PTPRD: variants seen among roughly 807,000 people sequenced by gnomAD.
PTPRD encodes the protein receptor-type tyrosine-protein phosphatase delta.
PTPRD carries 34 observed loss-of-function variants against 214.5 expected under a neutral mutation model. The observed-to-expected ratio is 0.16, with a 90% CI of 0.12 to 0.21. The LOEUF (loss-of-function observed/expected upper bound fraction) is 0.21, where lower values mean the gene tolerates loss of function less well. Among genes scored for constraint, PTPRD ranks in the 10% least tolerant of loss-of-function variants. The pLI is 1.00. For synonymous variants in PTPRD, 1,128 were observed against 845.7 expected, an observed-to-expected ratio of 1.33 and a Z score of -5.79; for missense variants, 2,545 against 2,398.7, an observed-to-expected ratio of 1.06 and a Z score of -1.27.
At chr9:9,283,145 G>C (rs1203299340) in intron 9 of PTPRD, among the ~76,000 whole-genome samples, 1 of 151,294 alleles carries the variant, frequency 6.6e-6, no homozygotes, top group Admixed American at 6.6e-5. Context: ...TTTTATAATT[G>C]GACCTCTGGG....
chr9:9,542,415 G>A (rs1166238390), intron 8 of PTPRD, among the ~76,000 whole-genome samples: 2 of 151,450 alleles, frequency 1.3e-5, no homozygotes, highest in African/African-American at 4.8e-5. Context: ...GGACACAAAA[G>A]CTCTTACCTT....
At chr9:10,048,694 C>A (rs929420945) in intron 3 of PTPRD, among the ~76,000 whole-genome samples, 1 of 152,020 alleles carries the variant, frequency 6.6e-6, no homozygotes, top group African/African-American at 2.4e-5. Context: ...TTTCCTATAA[C>A]TTTTCATTCA....
intron 11 of PTPRD, among the ~76,000 whole-genome samples, chr9:8,773,677 C>T (rs1299728885): frequency 6.6e-6 from 1 of 152,158 alleles, no homozygotes; most frequent in South Asian, 2.1e-4. Context: ...AAAATAAATT[C>T]CAAGCTCTTT....
At chr9:9,459,084 A>G (rs1481377755) in intron 8 of PTPRD, among the ~76,000 whole-genome samples, 1 of 152,090 alleles carries the variant, frequency 6.6e-6, no homozygotes, top group Non-Finnish European at 1.5e-5. Context: ...AAAGGAAACC[A>G]GAAAGTCTGC....
At chr9:10,370,027 C>T (rs1439762934) in intron 2 of PTPRD, among the ~76,000 whole-genome samples, 1 of 151,940 alleles carries the variant, frequency 6.6e-6, no homozygotes, top group African/African-American at 2.4e-5. Context: ...TATTATTATC[C>T]CTTTTCTACA....
intron 5 of PTPRD, among the ~76,000 whole-genome samples, chr9:9,885,786 CAGAACTGTA>C (rs950669370): frequency 1.3e-5 from 2 of 151,722 alleles, no homozygotes; most frequent in African/African-American, 4.8e-5. Context: ...TTCTGATCTC[CAGAACTGTA>C]AGATAGTAAT....
intron 14 of PTPRD, among the ~76,000 whole-genome samples, 184 bp from the exon 15 acceptor site, chr9:8,528,963 T>A (rs543921183): frequency 9.9e-5 from 15 of 152,086 alleles, no homozygotes; most frequent in Admixed American, 5.2e-4. Flanking sequence ...ACACTCTATG[T>A]AAGAGGCCAA....
intron 9 of PTPRD, among the ~76,000 whole-genome samples, chr9:9,293,227 T>A (rs1353151050): frequency 1.3e-5 from 2 of 151,594 alleles, no homozygotes; most frequent in Non-Finnish European, 1.5e-5. Flanking sequence ...ACCTATTTAA[T>A]CATTAACATA....
intron 4 of PTPRD, among the ~76,000 whole-genome samples, chr9:9,993,367 TG>T (rs929853448): frequency 5.9e-5 from 9 of 152,234 alleles, no homozygotes; most frequent in Non-Finnish European, 4.4e-5. Context: ...CAAGGTCGTA[TG>T]TTTTTTTGTA....
rs77075796 is a variant in PTPRD, at chr9:10,465,778, G to A, written c.-599-124761C>T. 5.3e-3 allele frequency among the ~76,000 whole-genome samples: 806 copies of A among 152,252 alleles called. 9 individuals carry two copies. The highest frequency in any genetic ancestry group is 0.019 in the African/African-American group (770 of 41,550). Reference sequence around the variant, plus strand: ...GGCTATACCATGTAGGTTTGTGTAAGCACATTCTCAATTTCACACAATGCT... The same window carrying A: ...GGCTATACCATGTAGGTTTGTGTAAACACATTCTCAATTTCACACAATGCT... On this transcript the variant is annotated intron_variant, in intron 2 of 45. Transcript: ENST00000381196.
At chr9:9,177,835 G>C (rs2099925851) in intron 10 of PTPRD, among the ~76,000 whole-genome samples, 1 of 152,250 alleles carries the variant, frequency 6.6e-6, no homozygotes, top group African/African-American at 2.4e-5. Flanking sequence ...ATAAAAGACT[G>C]AGTTAATTTT....
chr9:10,308,812 C>A (rs2096175083), intron 3 of PTPRD, among the ~76,000 whole-genome samples: 1 of 151,980 alleles, frequency 6.6e-6, no homozygotes, highest in Non-Finnish European at 1.5e-5. Context: ...TTTATAGCTG[C>A]ATTATATTTC....
intron 35 of PTPRD, among the ~76,000 whole-genome samples, chr9:8,434,348 T>C (rs964363388): frequency 6.6e-5 from 10 of 152,328 alleles, no homozygotes; most frequent in Middle Eastern, 3.4e-3. Flanking sequence ...TAGTTGGGTA[T>C]AGTAACTTGC....
chr9:10,196,997 C>G (rs942085132), intron 3 of PTPRD, among the ~76,000 whole-genome samples: 3 of 152,150 alleles, frequency 2.0e-5, no homozygotes, highest in Non-Finnish European at 2.9e-5. Flanking sequence ...GCACGCTGAT[C>G]TCAGATTTTC....
intron 8 of PTPRD, among the ~76,000 whole-genome samples, chr9:9,492,326 T>TA (rs67958740): frequency 0.01 from 1,414 of 134,760 alleles, 14 homozygotes; most frequent in African/African-American, 0.03. Flanking sequence ...TTACTAAACA[T>TA]AAAAAAAAAA....
chr9:9,711,899 C>T (rs921406029), intron 7 of PTPRD, among the ~76,000 whole-genome samples: 20 of 152,172 alleles, frequency 1.3e-4, no homozygotes, highest in Non-Finnish European at 2.4e-4. Flanking sequence ...TAAACCACTA[C>T]ATCTAACTAT....
chr9:8,964,319 C>T (rs1453304969), intron 11 of PTPRD, among the ~76,000 whole-genome samples: 1 of 138,210 alleles, frequency 7.2e-6, no homozygotes, highest in African/African-American at 2.9e-5. Context: ...TATAAATTTC[C>T]TCCCTATTTT....
chr9:9,664,349 C>T (rs919803216), intron 7 of PTPRD, among the ~76,000 whole-genome samples: 14 of 151,484 alleles, frequency 9.2e-5, no homozygotes, highest in African/African-American at 3.1e-4. Context: ...CAAAAAAGAT[C>T]AACTTCTAAT....
chr9:8,917,050 CTTTCTTTTTT>C (rs2098791011), intron 11 of PTPRD, among the ~76,000 whole-genome samples: 1 of 136,874 alleles, frequency 7.3e-6, no homozygotes, highest in Admixed American at 7.1e-5. Flanking sequence ...TTGACATTTT[CTTTCTTTTTT>C]TTTTTTTTTT....
Sources: gnomAD v4.1 joint callset for allele counts (sites outside exome capture counted in the v4.1 genomes callset) on GRCh38, gnomAD v4.1.1 for gene constraint, MANE v1.5 for transcripts, NCBI Gene and HGNC (gene_info 2026-07-23, HGNC 2026-07-21) for gene names.